Variants in CD300LD observed in about 807,000 individuals in gnomAD.
The protein encoded by CD300LD is CD300 molecule like family member d.
In CD300LD, 18 loss-of-function variants were observed where a neutral mutation model predicts 20.3. That is an observed-to-expected ratio of 0.89 (90% CI 0.61 to 1.32). CD300LD has a LOEUF of 1.32. Among genes scored for constraint, CD300LD ranks in the 40% most tolerant of loss-of-function variants. The probability of loss-of-function intolerance (pLI) is 0.00; values close to 1 mark genes in which losing one functional copy is unlikely to be tolerated. For missense variants in CD300LD, 195 were observed against 226.6 expected (o/e 0.86, Z 0.90); for synonymous variants, 104 against 90.1 (o/e 1.15, Z -0.87).
At chr17:74,578,663 G>A (rs77704820), downstream of CD300LD, among the ~76,000 whole-genome samples, 1,591 of 152,226 alleles carry the variant, frequency 0.01, 16 homozygotes, top group Non-Finnish European at 0.017. Context: ...GAGCCACTGC[G>A]CCCAGCATTT....
Position 74,582,943 on chromosome 17 carries a change from A to G in CD300LD, c.380-632T>C, listed in dbSNP as rs187850406. 4.7e-4 allele frequency among the ~76,000 whole-genome samples: 72 copies of G among 152,334 alleles called. 1 individual carries two copies. The highest frequency in any genetic ancestry group is 1.7e-3 in the African/African-American group (71 of 41,568). On this transcript the variant is annotated intron_variant, in intron 2 of 3. Coordinates refer to ENST00000375352, the MANE Select transcript of CD300LD (RefSeq NM_001115152.2). ...ATATTCAAAGTTTGCTTCAGGAGCA[A>G]TCTAATAATAAGAGATCACAGCATC... is the stretch of plus-strand genomic sequence containing the variant.
At position 74,588,510 on chromosome 17, in the gene CD300LD, C is replaced by A; in HGVS notation, c.379+1G>T. On this transcript the variant is annotated splice_donor_variant, in intron 2 of 3. Transcript: ENST00000375352. LOFTEE classifies it high-confidence loss of function. ...ACACACGTATATACACTCCCTCTTA[C>A]CTGGGTTAATGGTCACTTGAACTTT... The A allele has an allele frequency of 6.2e-7, 1 of 1,600,688 alleles. No individual in the cohort carries two copies. Among genetic ancestry groups the A allele is most frequent in the Non-Finnish European group, 8.5e-7 (1 of 1,170,842 alleles).
Position 74,588,812 on chromosome 17 carries a change from T to C in CD300LD, c.78A>G (p.Thr26=), listed in dbSNP as rs781360547. 6.2e-7 allele frequency: 1 copy of C among 1,613,250 alleles called. No individual in the cohort carries two copies. The highest frequency in any genetic ancestry group is 1.1e-5 in the South Asian group (1 of 91,064). The change falls in exon 2 of 4, where the codon ACA becomes ACG. Residue 26 remains threonine, a synonymous_variant. Transcript: ENST00000375352. ...ATGAGCCCTGCTCCGAGCCATTCAC[T>C]GTTGTTGGACCAGTGATTTTAGCGG... ...SIAAKITGPT[T]VNGSEQGSLT...
In CD300LD at chr17:74,579,695, G is replaced by A. The variant is rs575853710; in HGVS notation, c.*307C>T. On this transcript the variant is annotated 3_prime_UTR_variant, in exon 4 of 4. Transcript: ENST00000375352. ...GGTCAAGAGTTCGAGACCAGCCTGGGCAACGTGGTGGAAGCCCATCTCTAC... is the reference window on the plus strand; with the variant it reads ...GGTCAAGAGTTCGAGACCAGCCTGGACAACGTGGTGGAAGCCCATCTCTAC... The A allele has an allele frequency of 6.8e-4, 142 of 208,624 alleles. No homozygotes were observed. The highest frequency in any genetic ancestry group is 1.0e-3 in the Non-Finnish European group (106 of 101,252). 12.9% of individuals were successfully genotyped at this position (208,624 alleles called of 1,614,324 possible). A position where few individuals can be genotyped will look rare whatever the true frequency, so the allele number is the denominator to read the frequency against.
Position 74,581,127 on chromosome 17 carries a change from C to G in CD300LD, c.474-1014G>C, listed in dbSNP as rs564382096. ...TCCTTTGCCCTCTGTCCCCTGACAG[C>G]TAAAGTCCCATCAGTTTGCACAAAA... On this transcript the variant is annotated intron_variant, in intron 3 of 3. Coordinates refer to ENST00000375352, the MANE Select transcript of CD300LD (RefSeq NM_001115152.2). 1.1e-4 allele frequency among the ~76,000 whole-genome samples: 17 copies of G among 151,626 alleles called. 1 individual carries two copies. Among genetic ancestry groups the G allele is most frequent in the Admixed American group, 1.1e-3 (17 of 15,196 alleles).
In CD300LD at chr17:74,588,859, G is replaced by T. The variant is rs759981218; in HGVS notation, c.41-10C>A. ...GCGGCAATGGAGTAACCTGGAAAAC[G>T]CAAATTCATGTGTCGTCACCTCCCA... On this transcript the variant is annotated splice_polypyrimidine_tract_variant and intron_variant, in intron 1 of 3. Coordinates refer to ENST00000375352, the MANE Select transcript of CD300LD (RefSeq NM_001115152.2). 2 of 1,593,738 alleles carry T rather than the reference G, an allele frequency of 1.3e-6. No homozygotes were observed. The highest frequency in any genetic ancestry group is 1.3e-5 in the African/African-American group (1 of 74,638).
chr17:74,585,667 G>T (rs1387540311), intron 2 of CD300LD, among the ~76,000 whole-genome samples: 3 of 152,218 alleles, frequency 2.0e-5, no homozygotes, highest in Non-Finnish European at 4.4e-5. Context: ...GAAAGCGAGT[G>T]TAGTTAATAA....
intron 1 of CD300LD, among the ~76,000 whole-genome samples, chr17:74,589,345 T>C (rs1202381570): frequency 6.6e-6 from 1 of 152,196 alleles, no homozygotes; most frequent in African/African-American, 2.4e-5. Context: ...TGCCAACTGG[T>C]CTCTATCTGC....
chr17:74,578,750 G>T (rs1221953488), downstream of CD300LD, among the ~76,000 whole-genome samples: 1 of 152,176 alleles, frequency 6.6e-6, no homozygotes, highest in African/African-American at 2.4e-5. Context: ...GCAGTTGGGT[G>T]ATCCTGGTTC....
chr17:74,591,917 G>A (rs2030328681), intron 1 of CD300LD: 1 of 1,042,932 alleles, frequency 9.6e-7, no homozygotes, highest in East Asian at 2.7e-5. Flanking sequence ...GGAACAGTCA[G>A]GGTTGAGAAC....
Position 74,580,008 on chromosome 17 carries a change from CCTT to C in CD300LD, c.576_578del (p.Arg193del), listed in dbSNP as rs1568020480. The stretch of plus-strand genomic sequence containing the variant: ...CGGGCTGACTCCTCCTCCTTCAAGA[CCTT>C]CTTTGTGGTCTGTTTACCCAGAGGA... On this transcript the variant is annotated inframe_deletion, in exon 4 of 4. Transcript: ENST00000375352. 6.2e-7 allele frequency: 1 copy of C among 1,608,742 alleles called. No homozygotes were observed. The highest frequency in any genetic ancestry group is 1.1e-5 in the South Asian group (1 of 90,094).
rs1598125567 is a variant in CD300LD, at chr17:74,579,682, G to A, written c.*320C>T. On this transcript the variant is annotated 3_prime_UTR_variant, in exon 4 of 4. Coordinates refer to ENST00000375352, the MANE Select transcript of CD300LD (RefSeq NM_001115152.2). ...GAGGATCTCTTGAGGTCAAGAGTTC[G>A]AGACCAGCCTGGGCAACGTGGTGGA... The A allele has an allele frequency of 1.1e-5, 2 of 189,630 alleles. No individual in the cohort carries two copies. The highest frequency in any genetic ancestry group is 1.4e-4 in the East Asian group (1 of 7,040). The allele number at this position is 189,630 out of a possible 1,614,324, so 11.7% of individuals were successfully genotyped here.
intron 2 of CD300LD, among the ~76,000 whole-genome samples, chr17:74,587,078 G>A (rs1301165033): frequency 1.3e-5 from 2 of 152,106 alleles, no homozygotes; most frequent in African/African-American, 4.8e-5. Context: ...GAACCCAGGA[G>A]GTGGAGGTTG....
intron 1 of CD300LD, among the ~76,000 whole-genome samples, chr17:74,591,259 A>AAATAAT (rs2030307666): frequency 1.8e-5 from 2 of 112,820 alleles, no homozygotes; most frequent in South Asian, 3.0e-4. Flanking sequence ...ACAAAAAAAA[A>AAATAAT]AAAAATAAAA....
chr17:74,582,280 GGTT>G lies in CD300LD; in HGVS notation c.408_410del (p.Thr139del), dbSNP rs955769064. The G allele has an allele frequency of 1.9e-6, 3 of 1,613,744 alleles. No individual in the cohort carries two copies. In the Admixed American group the frequency reaches 5.0e-5, roughly 27 times the overall value. The stretch of plus-strand genomic sequence containing the variant: ...CTGTGAAAGCCAGGCTTGCTGTTGT[GGTT>G]GTCCATTCTGAGACTGCAGTTTGTG... On this transcript the variant is annotated inframe_deletion, in exon 3 of 4. Coordinates refer to ENST00000375352, the MANE Select transcript of CD300LD (RefSeq NM_001115152.2).
chr17:74,587,632 CT>C (rs71953567), intron 2 of CD300LD, among the ~76,000 whole-genome samples: 1,689 of 152,060 alleles, frequency 0.011, 33 homozygotes, highest in African/African-American at 0.037. Flanking sequence ...TTACTTTGAT[CT>C]TTTTTTTCCC....
intron 2 of CD300LD, among the ~76,000 whole-genome samples, chr17:74,585,877 G>C (rs1338840029): frequency 6.6e-6 from 1 of 152,170 alleles, no homozygotes; most frequent in Non-Finnish European, 1.5e-5. Context: ...CATTACAGAG[G>C]ATATGCTGTT....
chr17:74,578,983 A>G (rs1369038242), downstream of CD300LD, among the ~76,000 whole-genome samples: 1 of 152,218 alleles, frequency 6.6e-6, no homozygotes, highest in Non-Finnish European at 1.5e-5. Context: ...ATCTCCCCAT[A>G]TACCCCAAAT....
intron 2 of CD300LD, among the ~76,000 whole-genome samples, chr17:74,586,881 G>T (rs1338460730): frequency 2.0e-5 from 3 of 152,200 alleles, no homozygotes; most frequent in Admixed American, 6.5e-5. Flanking sequence ...TGAACCAGGA[G>T]AATATATTGC....
Sources: allele counts gnomAD v4.1 joint callset (sites outside exome capture counted in the v4.1 genomes callset), GRCh38; gene constraint gnomAD v4.1.1; transcripts MANE v1.5; gene names NCBI Gene and HGNC (gene_info 2026-07-23, HGNC 2026-07-21).